SLC39A11: variants seen among roughly 807,000 people sequenced by gnomAD.
SLC39A11 encodes solute carrier family 39 member 11, also known as zinc transporter ZIP11.
A neutral mutation model predicts 36.1 loss-of-function variants in SLC39A11; 33 were observed. The observed-to-expected ratio is 0.91, with a 90% CI of 0.69 to 1.22. The LOEUF (loss-of-function observed/expected upper bound fraction) is 1.22, where lower values mean the gene tolerates loss of function less well. SLC39A11 is among the 50% of genes most tolerant of loss of function. The pLI is 0.00. For synonymous variants in SLC39A11, 166 were observed against 170.3 expected (o/e 0.97, Z 0.20); for missense variants, 432 against 430.3 (o/e 1.00, Z -0.03).
chr17:72,900,217 GAAAGAAAGA>G lies in SLC39A11; in HGVS notation c.430+47526_430+47534del, dbSNP rs2082318561. On this transcript the variant is annotated intron_variant, in intron 5 of 9. Coordinates refer to ENST00000255559, the MANE Select transcript of SLC39A11 (RefSeq NM_139177.4). ...AGAAAGAAAGAAAGAAAGAAAGAAA[GAAAGAAAGA>G]AAGAAAAAGACAGCAAGGCAAGGAG... 9.3e-5 allele frequency among the ~76,000 whole-genome samples: 10 copies of G among 107,318 alleles called. 1 individual carries two copies. Among genetic ancestry groups the G allele is most frequent in the Non-Finnish European group, 1.6e-4 (8 of 49,932 alleles). The allele number at this position is 107,318 out of a possible 152,430, so 70.4% of individuals were successfully genotyped here. A position where few individuals can be genotyped will look rare whatever the true frequency, so the allele number is the denominator to read the frequency against.
chr17:72,792,021 A>G (rs2076722985), intron 6 of SLC39A11, among the ~76,000 whole-genome samples: 1 of 152,222 alleles, frequency 6.6e-6, no homozygotes, highest in Non-Finnish European at 1.5e-5. Context: ...AGAGAAGAAA[A>G]TCGAGGCACA....
chr17:72,788,035 G>A (rs916709473), intron 6 of SLC39A11, among the ~76,000 whole-genome samples: 29 of 152,216 alleles, frequency 1.9e-4, no homozygotes, highest in Admixed American at 1.9e-3. Context: ...GGGTCAACAT[G>A]TTTTATTAAC....
chr17:72,779,387 T>G (rs1370393470), intron 6 of SLC39A11, among the ~76,000 whole-genome samples: 2 of 151,926 alleles, frequency 1.3e-5, no homozygotes, highest in African/African-American at 2.4e-5. Flanking sequence ...ATTGGACCAT[T>G]GCACTGCAGC....
intron 4 of SLC39A11, among the ~76,000 whole-genome samples, chr17:73,008,582 G>A (rs1363730555): frequency 2.0e-5 from 3 of 152,170 alleles, no homozygotes; most frequent in African/African-American, 4.8e-5. Flanking sequence ...GGGACACCAG[G>A]ATATAGACCC....
rs540295426 is a variant in SLC39A11 at position 72,930,192 on chromosome 17, C to A, written c.430+17560G>T. On this transcript the variant is annotated intron_variant, in intron 5 of 9. Coordinates refer to ENST00000255559, the MANE Select transcript of SLC39A11 (RefSeq NM_139177.4). ...TAGCAGGCCAGCAGAGAAGCCAGGG[C>A]AGCTCATTAGTTCTGGGAGAGCTGT... 1.4e-4 allele frequency among the ~76,000 whole-genome samples: 22 copies of A among 152,308 alleles called. 1 individual carries two copies. Among genetic ancestry groups the A allele is most frequent in the Middle Eastern group, 6.8e-3 (2 of 292 alleles).
intron 7 of SLC39A11, among the ~76,000 whole-genome samples, chr17:72,714,437 G>A (rs2073255474): frequency 6.6e-6 from 1 of 151,900 alleles, no homozygotes; most frequent in Non-Finnish European, 1.5e-5. Context: ...AATTACTTTT[G>A]CACCAGGCTA....
At chr17:73,088,802 C>G (rs756951012) in intron 1 of SLC39A11, 27 bp from the exon 2 acceptor site, 15 of 1,522,070 alleles carry the variant, frequency 9.9e-6, no homozygotes, top group Middle Eastern at 1.7e-4. Flanking sequence ...AGAGGGTCAG[C>G]CACCGGTGGT....
rs935162432 is a variant in SLC39A11 at position 72,829,035 on chromosome 17, G to A, written c.601+20599C>T. 2.0e-5 allele frequency among the ~76,000 whole-genome samples: 3 copies of A among 152,292 alleles called. No individual in the cohort carries two copies. In the East Asian group the frequency reaches 5.8e-4, roughly 29 times the overall value. On this transcript the variant is annotated intron_variant, in intron 6 of 9. Coordinates refer to ENST00000255559, the MANE Select transcript of SLC39A11 (RefSeq NM_139177.4). ...GTAACACAGTGCAGAGCAGATGGAT[G>A]AGGAGAAAACGAAGCAACAAAAAAA...
intron 5 of SLC39A11, among the ~76,000 whole-genome samples, chr17:72,946,462 C>T (rs560261471): frequency 6.6e-6 from 1 of 152,130 alleles, no homozygotes; most frequent in Non-Finnish European, 1.5e-5. Flanking sequence ...ATTTGCTCTC[C>T]CTAAGGGGTA....
intron 6 of SLC39A11, among the ~76,000 whole-genome samples, chr17:72,833,284 G>C (rs2078366241): frequency 1.3e-5 from 2 of 152,184 alleles, no homozygotes; most frequent in East Asian, 3.8e-4. Context: ...TTTTGAAATG[G>C]ATTAAAGTGC....
chr17:72,916,242 A>G (rs1335578461), intron 5 of SLC39A11, among the ~76,000 whole-genome samples: 1 of 149,486 alleles, frequency 6.7e-6, no homozygotes, highest in Non-Finnish European at 1.5e-5. Context: ...ATCTGTACAC[A>G]CAAACACACA....
intron 5 of SLC39A11, among the ~76,000 whole-genome samples, chr17:72,930,628 G>A (rs2084329290): frequency 6.6e-6 from 1 of 152,202 alleles, no homozygotes; most frequent in African/African-American, 2.4e-5. Context: ...CTCTAATCAA[G>A]CAGGCTGGAT....
intron 5 of SLC39A11, among the ~76,000 whole-genome samples, chr17:72,881,457 G>A (rs2081193064): frequency 6.6e-6 from 1 of 152,140 alleles, no homozygotes; most frequent in Non-Finnish European, 1.5e-5. Context: ...TATTTAAAAT[G>A]TCTGAAAAAT....
intron 4 of SLC39A11, among the ~76,000 whole-genome samples, chr17:73,008,239 C>A (rs1300965633): frequency 2.0e-5 from 3 of 148,220 alleles, no homozygotes; most frequent in Non-Finnish European, 4.5e-5. Flanking sequence ...AAGCAATCCT[C>A]CAGCCTCACA....
At chr17:72,934,358 G>A (rs959594084) in intron 5 of SLC39A11, among the ~76,000 whole-genome samples, 1 of 152,108 alleles carries the variant, frequency 6.6e-6, no homozygotes, top group Non-Finnish European at 1.5e-5. Flanking sequence ...GGTCCTCTAT[G>A]CAGAATACAG....
intron 6 of SLC39A11, among the ~76,000 whole-genome samples, chr17:72,835,755 G>T (rs1598925413): frequency 6.6e-6 from 1 of 152,206 alleles, no homozygotes; most frequent in Non-Finnish European, 1.5e-5. Context: ...AACACAGTGG[G>T]TGGCCCTGCT....
intron 5 of SLC39A11, among the ~76,000 whole-genome samples, chr17:72,936,607 C>T (rs1480509596): frequency 4.6e-5 from 7 of 152,044 alleles, no homozygotes; most frequent in Admixed American, 4.6e-4. Flanking sequence ...AAACCTCAAA[C>T]TCTGCCTCTA....
chr17:72,653,130 A>G (rs2069933172), intron 7 of SLC39A11, among the ~76,000 whole-genome samples: 1 of 139,322 alleles, frequency 7.2e-6, no homozygotes, highest in African/African-American at 2.7e-5. Flanking sequence ...TTTGAGATGG[A>G]GTCTCGCTCT....
intron 5 of SLC39A11, among the ~76,000 whole-genome samples, chr17:72,923,222 C>A (rs563892853): frequency 2.0e-4 from 31 of 152,118 alleles, no homozygotes; most frequent in Admixed American, 3.9e-4. Context: ...GGCTATGGAC[C>A]ACCCTGCCCC....
Sources: gnomAD v4.1 joint callset for allele counts (sites outside exome capture counted in the v4.1 genomes callset) on GRCh38, gnomAD v4.1.1 for gene constraint, MANE v1.5 for transcripts, NCBI Gene and HGNC (gene_info 2026-07-23, HGNC 2026-07-21) for gene names.